Variants in PAK5 observed in about 807,000 individuals in gnomAD.
The protein encoded by PAK5 is serine/threonine-protein kinase PAK 5.
Under a neutral mutation model 65.9 loss-of-function variants are expected in PAK5, and 16 were observed. That is an observed-to-expected ratio of 0.24 (90% CI 0.16 to 0.37). The LOEUF (loss-of-function observed/expected upper bound fraction) is 0.37, where lower values mean the gene tolerates loss of function less well. PAK5 is among the 10% of genes least tolerant of loss of function. The pLI, the probability that PAK5 is intolerant of heterozygous loss-of-function variation, is 1.00. For missense variants in PAK5, 785 were observed against 903.9 expected, an observed-to-expected ratio of 0.87 and a Z score of 1.69; for synonymous variants, 371 against 354.9, an observed-to-expected ratio of 1.05 and a Z score of -0.51.
At chr20:9,548,445 G>A (rs1467380517) in intron 7 of PAK5, among the ~76,000 whole-genome samples, 2 of 151,762 alleles carry the variant, frequency 1.3e-5, no homozygotes, top group Non-Finnish European at 1.5e-5. Context: ...AGTTACATAT[G>A]TATACATGTG....
intron 2 of PAK5, among the ~76,000 whole-genome samples, chr20:9,676,690 A>G (rs2047576833): frequency 6.6e-6 from 1 of 152,222 alleles, no homozygotes; most frequent in Non-Finnish European, 1.5e-5. Context: ...AAGGTAGATC[A>G]GTATACACAC....
intron 7 of PAK5, among the ~76,000 whole-genome samples, chr20:9,550,610 C>T (rs749922931): frequency 7.9e-5 from 12 of 152,078 alleles, no homozygotes; most frequent in Admixed American, 3.9e-4. Flanking sequence ...ATGTTCAAAT[C>T]ATTCAAGCCA....
At chr20:9,822,925 C>G (rs1293809828) in intron 1 of PAK5, among the ~76,000 whole-genome samples, 1 of 150,802 alleles carries the variant, frequency 6.6e-6, no homozygotes, top group African/African-American at 2.4e-5. Context: ...TACCATTTCC[C>G]AGTTCCTCTA....
intron 4 of PAK5, among the ~76,000 whole-genome samples, chr20:9,574,433 A>ACAGAG (rs2045849157): frequency 6.6e-6 from 1 of 152,200 alleles, no homozygotes; most frequent in Non-Finnish European, 1.5e-5. Context: ...GAGCAGTGAG[A>ACAGAG]CAGAGCAGAT....
At chr20:9,542,152 T>C (rs184097285) in intron 9 of PAK5, among the ~76,000 whole-genome samples, 193 of 152,296 alleles carry the variant, frequency 1.3e-3, no homozygotes, top group African/African-American at 4.3e-3. Context: ...TCTGAAATTA[T>C]TTTATTTATT....
intron 1 of PAK5, among the ~76,000 whole-genome samples, chr20:9,775,953 T>C (rs1437220675): frequency 6.6e-6 from 1 of 152,224 alleles, no homozygotes; most frequent in Non-Finnish European, 1.5e-5. Context: ...ATTGAACATA[T>C]GATTAATTCA....
At chr20:9,593,333 G>T (rs6056724) in intron 3 of PAK5, among the ~76,000 whole-genome samples, 1 of 151,952 alleles carries the variant, frequency 6.6e-6, no homozygotes, top group Non-Finnish European at 1.5e-5. Context: ...GGTAGGTTAG[G>T]CTCCCTTCAT....
chr20:9,593,307 A>G (rs2046205686), intron 3 of PAK5, among the ~76,000 whole-genome samples: 1 of 152,038 alleles, frequency 6.6e-6, no homozygotes, highest in Non-Finnish European at 1.5e-5. Flanking sequence ...CTGTATCAAA[A>G]GAAAAAAAAA....
At chr20:9,556,552 T>G (rs2045510445) in intron 7 of PAK5, among the ~76,000 whole-genome samples, 1 of 152,214 alleles carries the variant, frequency 6.6e-6, no homozygotes, top group African/African-American at 2.4e-5. Context: ...GGCCATTGCC[T>G]CTGGTGGGAG....
In PAK5 at chr20:9,801,921, A is replaced by G. The variant is rs535098917; in HGVS notation, c.-162+36841T>C. Among the ~76,000 whole-genome samples, 53 of 152,278 alleles carry G rather than the reference A, an allele frequency of 3.5e-4. 2 individuals carry two copies. In the South Asian group the frequency reaches 7.3e-3, roughly 21 times the overall value. On this transcript the variant is annotated intron_variant, in intron 1 of 9. Coordinates refer to ENST00000353224, the MANE Select transcript of PAK5 (RefSeq NM_177990.4). ...GTTTCAGGAAGCAAGAGTGAGAGAC[A>G]TGGGGACTAAAACAAGGAAGCAAAC...
intron 1 of PAK5, among the ~76,000 whole-genome samples, chr20:9,816,574 C>T (rs1025281404): frequency 6.6e-6 from 1 of 152,156 alleles, no homozygotes; most frequent in Non-Finnish European, 1.5e-5. Flanking sequence ...TGCTTAACTG[C>T]TTGAGCTTGG....
At chr20:9,693,789 A>G (rs1569043837) in intron 2 of PAK5, among the ~76,000 whole-genome samples, 1 of 152,166 alleles carries the variant, frequency 6.6e-6, no homozygotes, top group Non-Finnish European at 1.5e-5. Flanking sequence ...ATAACCATGC[A>G]CTCATAAACA....
chr20:9,559,906 G>T (rs1387652958), intron 6 of PAK5, among the ~76,000 whole-genome samples: 1 of 152,150 alleles, frequency 6.6e-6, no homozygotes, highest in African/African-American at 2.4e-5. Context: ...ATCCTGAATG[G>T]TTTTCACACG....
chr20:9,693,260 T>C (rs2047822148), intron 2 of PAK5, among the ~76,000 whole-genome samples: 1 of 152,144 alleles, frequency 6.6e-6, no homozygotes, highest in African/African-American at 2.4e-5. Flanking sequence ...TTCTTGATAA[T>C]CTAAGAGTGG....
chr20:9,660,042 TAAC>T (rs2047323428), intron 2 of PAK5, among the ~76,000 whole-genome samples: 1 of 152,084 alleles, frequency 6.6e-6, no homozygotes, highest in Admixed American at 6.5e-5. Context: ...AAAACAATAA[TAAC>T]TAGCCTCTGA....
chr20:9,682,075 G>A (rs1437293742), intron 2 of PAK5, among the ~76,000 whole-genome samples: 3 of 152,088 alleles, frequency 2.0e-5, no homozygotes, highest in East Asian at 1.9e-4. Context: ...CTACTAGGGC[G>A]GGCTGGGCGC....
chr20:9,682,370 C>CAAACAAA (rs2047662140), intron 2 of PAK5, among the ~76,000 whole-genome samples: 1 of 151,754 alleles, frequency 6.6e-6, no homozygotes, highest in African/African-American at 2.4e-5. Flanking sequence ...AACAAACAAA[C>CAAACAAA]AAACAAAAAA....
chr20:9,600,634 T>C (rs2046343121), intron 3 of PAK5, among the ~76,000 whole-genome samples: 1 of 152,226 alleles, frequency 6.6e-6, no homozygotes, highest in Non-Finnish European at 1.5e-5. Flanking sequence ...GGCCACTGAC[T>C]CTAAGGCTGC....
intron 2 of PAK5, among the ~76,000 whole-genome samples, chr20:9,666,742 G>GT (rs1263102611): frequency 1.3e-5 from 2 of 152,196 alleles, no homozygotes; most frequent in Admixed American, 6.5e-5. Context: ...ATGTGTGTTT[G>GT]TATCTGTGTG....
Sources: gnomAD v4.1 joint callset for allele counts (sites outside exome capture counted in the v4.1 genomes callset) on GRCh38, gnomAD v4.1.1 for gene constraint, MANE v1.5 for transcripts, NCBI Gene and HGNC (gene_info 2026-07-23, HGNC 2026-07-21) for gene names.